Variants in ZNF385D observed in about 807,000 individuals in gnomAD.
ZNF385D encodes zinc finger protein 385D, also known as zinc finger protein 659.
In ZNF385D, 15 loss-of-function variants were observed where a neutral mutation model predicts 35.8. That is an observed-to-expected ratio of 0.42 (90% CI 0.28 to 0.64). The LOEUF (loss-of-function observed/expected upper bound fraction) is 0.64. Among genes scored for constraint, ZNF385D ranks in the 30% least tolerant of loss-of-function variants. The pLI is 0.23. For synonymous variants in ZNF385D, 212 were observed against 186.8 expected (o/e 1.13, Z -1.10); for missense variants, 474 against 494.6 (o/e 0.96, Z 0.39).
chr3:22,147,743 C>T (rs868267350), intron 3 of ZNF385D, among the ~76,000 whole-genome samples: 3 of 152,052 alleles, frequency 2.0e-5, no homozygotes, highest in African/African-American at 7.2e-5. Context: ...ATATTTTCTC[C>T]ACAATGAAAG....
intron 5 of ZNF385D, among the ~76,000 whole-genome samples, chr3:21,432,987 T>TC: frequency 7.4e-6 from 1 of 134,444 alleles, no homozygotes; most frequent in South Asian, 2.4e-4. Context: ...ATGACATAAT[T>TC]TGATCCTTAA....
At chr3:22,239,860 A>G (rs1014430183) in intron 2 of ZNF385D, among the ~76,000 whole-genome samples, 1 of 150,804 alleles carries the variant, frequency 6.6e-6, no homozygotes, top group Non-Finnish European at 1.5e-5. Context: ...TCTCAAGCAC[A>G]TAGAACGTCA....
intron 2 of ZNF385D, among the ~76,000 whole-genome samples, chr3:22,259,761 C>T (rs774118931): frequency 6.6e-6 from 1 of 151,854 alleles, no homozygotes; most frequent in African/African-American, 2.4e-5. Context: ...CACTGCCTTG[C>T]TTTGTACTAA....
In ZNF385D at chr3:22,312,648, A is replaced by G. The variant is rs543604806; in HGVS notation, c.106+59802T>C. On this transcript the variant is annotated intron_variant, in intron 2 of 5. Coordinates refer to the ZNF385D transcript ENST00000494108. ...ATTTACGGAGCCAAAAACACATGAA[A>G]AAGTGCTCATTATCACTGGCCATCA... Among the ~76,000 whole-genome samples, 4 of 152,314 alleles carry G rather than the reference A, an allele frequency of 2.6e-5. No individual in the cohort carries two copies. In the South Asian group the frequency reaches 6.2e-4, roughly 24 times the overall value.
intron 2 of ZNF385D, among the ~76,000 whole-genome samples, chr3:22,226,563 A>G (rs1411947970): frequency 6.6e-6 from 1 of 152,236 alleles, no homozygotes; most frequent in Non-Finnish European, 1.5e-5. Flanking sequence ...TGTAATAATC[A>G]TTTTTGTTTA....
At chr3:22,095,849 A>C (rs1031533547) in intron 3 of ZNF385D, among the ~76,000 whole-genome samples, 4 of 148,084 alleles carry the variant, frequency 2.7e-5, no homozygotes, top group Admixed American at 6.8e-5. Context: ...GCATTTTTTA[A>C]TTCAACATAT....
rs142776818 is a variant in ZNF385D at position 21,838,747 on chromosome 3, T to C, written c.326-173719A>G. On this transcript the variant is annotated intron_variant, in intron 3 of 5. Coordinates refer to the ZNF385D transcript ENST00000494108. ...GTCTCTTCAAATCTAAGATGCCATC[T>C]ATTGTAAGTTACATGCTAACTTATA... Among the ~76,000 whole-genome samples the C allele has an allele frequency of 4.2e-3, 635 of 152,254 alleles. 7 individuals carry two copies. The highest frequency in any genetic ancestry group is 0.014 in the African/African-American group (592 of 41,578).
chr3:21,665,174 C>T, intron 1 of ZNF385D, 146 bp from the exon 2 acceptor site: 2 of 1,038,896 alleles, frequency 1.9e-6, no homozygotes, highest in Non-Finnish European at 2.7e-6. Context: ...TGGGAACCGG[C>T]CAATGAGCAA....
intron 3 of ZNF385D, among the ~76,000 whole-genome samples, chr3:22,046,429 G>C (rs897721265): frequency 1.3e-5 from 2 of 152,026 alleles, no homozygotes; most frequent in East Asian, 3.9e-4. Flanking sequence ...ATTGTAGATT[G>C]GCTAAAATTC....
intron 2 of ZNF385D, among the ~76,000 whole-genome samples, chr3:21,639,333 C>T (rs115884158): frequency 0.018 from 2,697 of 152,002 alleles, 85 homozygotes; most frequent in African/African-American, 0.061. Context: ...TTTTCTAGAT[C>T]CCCAGAGCTT....
intron 3 of ZNF385D, among the ~76,000 whole-genome samples, chr3:21,996,557 T>A (rs941935283): frequency 2.0e-5 from 3 of 152,206 alleles, no homozygotes; most frequent in Admixed American, 2.0e-4. Flanking sequence ...GATAGAATAA[T>A]CTATTATTCT....
chr3:21,772,735 T>G (rs2071128823), intron 3 of ZNF385D, among the ~76,000 whole-genome samples: 1 of 151,924 alleles, frequency 6.6e-6, no homozygotes, highest in South Asian at 2.1e-4. Context: ...GAAATAGAGT[T>G]GCAAAGAGAT....
chr3:21,818,090 A>T (rs1007207792), intron 3 of ZNF385D, among the ~76,000 whole-genome samples: 12 of 151,780 alleles, frequency 7.9e-5, no homozygotes, highest in African/African-American at 2.9e-4. Context: ...AGAAAACGAA[A>T]CACCGCATGT....
intron 3 of ZNF385D, among the ~76,000 whole-genome samples, chr3:22,143,917 A>G (rs953450774): frequency 1.3e-5 from 2 of 152,178 alleles, no homozygotes; most frequent in Non-Finnish European, 2.9e-5. Context: ...TTTAATATTA[A>G]CAGCTTTCCA....
At chr3:21,492,697 T>C (rs1705523611) in intron 4 of ZNF385D, among the ~76,000 whole-genome samples, 1 of 151,550 alleles carries the variant, frequency 6.6e-6, no homozygotes, top group Admixed American at 6.6e-5. Flanking sequence ...GGCGGGAGAA[T>C]TGATTGAACC....
chr3:22,015,658 C>T (rs1177765248), intron 3 of ZNF385D, among the ~76,000 whole-genome samples: 3 of 152,068 alleles, frequency 2.0e-5, no homozygotes, highest in African/African-American at 7.2e-5. Flanking sequence ...TTGTTTCTAA[C>T]AACAATGGCT....
chr3:21,458,259 G>A (rs531329502), intron 4 of ZNF385D, among the ~76,000 whole-genome samples: 2 of 150,642 alleles, frequency 1.3e-5, no homozygotes, highest in African/African-American at 4.9e-5. Context: ...AATCACTTGA[G>A]CCCAAGAGTT....
chr3:21,517,293 G>A (rs973903221), intron 3 of ZNF385D, among the ~76,000 whole-genome samples: 4 of 151,958 alleles, frequency 2.6e-5, no homozygotes, highest in Admixed American at 2.6e-4. Flanking sequence ...GAAGCCAAAC[G>A]ACTGCCGAGA....
At chr3:21,860,647 G>T (rs1198996423) in intron 3 of ZNF385D, among the ~76,000 whole-genome samples, 1 of 152,108 alleles carries the variant, frequency 6.6e-6, no homozygotes, top group Admixed American at 6.6e-5. Flanking sequence ...CCATTGTCAG[G>T]TTTAATAAAA....
Sources: gnomAD v4.1 joint callset for allele counts (sites outside exome capture counted in the v4.1 genomes callset) on GRCh38, gnomAD v4.1.1 for gene constraint, MANE v1.5 for transcripts, NCBI Gene and HGNC (gene_info 2026-07-23, HGNC 2026-07-21) for gene names.